Variants in CCDC171 observed in about 807,000 individuals in gnomAD.
CCDC171 encodes coiled-coil domain-containing protein 171.
CCDC171 carries 177 observed loss-of-function variants against 168.2 expected under a neutral mutation model. The ratio of observed to expected loss-of-function variants is 1.05; its 90% confidence interval spans 0.93 to 1.19. The LOEUF (loss-of-function observed/expected upper bound fraction) is 1.19, where lower values mean the gene tolerates loss of function less well. CCDC171 is among the 50% of genes most tolerant of loss of function. The pLI is 0.00. For synonymous variants in CCDC171, 687 were observed against 540.8 expected, an observed-to-expected ratio of 1.27 and a Z score of -3.75; for missense variants, 1,991 against 1,539.0, an observed-to-expected ratio of 1.29 and a Z score of -4.91.
At chr9:15,635,083 G>A (rs1401376443) in intron 7 of CCDC171, among the ~76,000 whole-genome samples, 1 of 152,048 alleles carries the variant, frequency 6.6e-6, no homozygotes, top group Non-Finnish European at 1.5e-5. Context: ...TTCTCTAAAG[G>A]GACAGAACTA....
chr9:15,778,929 G>A, intron 19 of CCDC171, 39 bp from the exon 20 acceptor site: 1 of 1,358,562 alleles, frequency 7.4e-7, no homozygotes, highest in Non-Finnish European at 9.7e-7. Flanking sequence ...TAGTAAATCT[G>A]TAGTTACTGT....
At chr9:15,680,294 A>G (rs1040678995) in intron 10 of CCDC171, among the ~76,000 whole-genome samples, 2 of 152,236 alleles carry the variant, frequency 1.3e-5, no homozygotes, top group Admixed American at 1.3e-4. Context: ...TGTAAAGTTT[A>G]TGGTAATACT....
At chr9:16,071,133 G>C in the CCDC171 span, among the ~76,000 whole-genome samples, 4 of 152,208 alleles carry the variant, frequency 2.6e-5, no homozygotes, top group African/African-American at 9.6e-5. Flanking sequence ...CCACAGGAGA[G>C]AGGGAGGCAG....
chr9:15,950,783 T>G (rs928272447), intron 25 of CCDC171, among the ~76,000 whole-genome samples: 1 of 151,648 alleles, frequency 6.6e-6, no homozygotes, highest in Non-Finnish European at 1.5e-5. Flanking sequence ...ATATTAACCT[T>G]AAATGTAAAT....
intron 2 of CCDC171, among the ~76,000 whole-genome samples, chr9:15,564,659 C>T (rs1198551754): frequency 6.6e-6 from 1 of 152,170 alleles, no homozygotes; most frequent in Non-Finnish European, 1.5e-5. Flanking sequence ...TTGGGCGTGG[C>T]GCCTACCTTT....
At chr9:15,941,295 A>T (rs754101999) in intron 25 of CCDC171, among the ~76,000 whole-genome samples, 1 of 152,036 alleles carries the variant, frequency 6.6e-6, no homozygotes, top group Non-Finnish European at 1.5e-5. Flanking sequence ...GTATTGGTTA[A>T]TGGAGCTCGC....
At position 15,695,327 on chromosome 9, in the gene CCDC171, G is replaced by C; in HGVS notation, c.1308G>C (p.Gln436His). 1 of 1,613,064 alleles carries C rather than the reference G, an allele frequency of 6.2e-7. No homozygotes were observed. Among genetic ancestry groups the C allele is most frequent in the Non-Finnish European group, 8.5e-7 (1 of 1,178,990 alleles). Residue 436 changes from glutamine to histidine, a missense_variant, in exon 11 of 26, where the codon CAG becomes CAC. Physicochemically the swap from Gln to His is conservative, Grantham distance 24 (BLOSUM62 0). Transcript: ENST00000380701. ...TGGACAGCTTTACTGTGTCGGGCCA[G>C]TGGACATCAGGTTAGTTGAAGGTAT... Reference protein sequence around the residue: ...SILDSFTVSGQWTSGIHKDKD... With the variant: ...SILDSFTVSGHWTSGIHKDKD...
chr9:15,928,827 G>T (rs1454245576), intron 25 of CCDC171, among the ~76,000 whole-genome samples: 2 of 151,534 alleles, frequency 1.3e-5, no homozygotes, highest in African/African-American at 4.8e-5. Flanking sequence ...AACTTTTAAA[G>T]GTTTCTCATA....
At chr9:15,689,692 C>T (rs2050652122) in intron 10 of CCDC171, among the ~76,000 whole-genome samples, 1 of 152,130 alleles carries the variant, frequency 6.6e-6, no homozygotes, top group African/African-American at 2.4e-5. Flanking sequence ...GCCTGGGTGA[C>T]AGAGTAAGAC....
intron 3 of CCDC171, among the ~76,000 whole-genome samples, chr9:16,016,480 A>G (rs1013614754): frequency 1.3e-5 from 2 of 152,150 alleles, no homozygotes; most frequent in African/African-American, 4.8e-5. Flanking sequence ...GCTGCTGACA[A>G]CTCACAGGGG....
At chr9:15,743,305 A>G (rs906590580) in intron 16 of CCDC171, among the ~76,000 whole-genome samples, 4 of 151,430 alleles carry the variant, frequency 2.6e-5, no homozygotes, top group Non-Finnish European at 4.4e-5. Context: ...AGCTGTAACT[A>G]TAGGTGTACA....
rs145089944 is a variant in CCDC171, at chr9:15,962,596, A to G, written c.3754-9013A>G. Among the ~76,000 whole-genome samples, 510 of 152,036 alleles carry G rather than the reference A, an allele frequency of 3.4e-3. 1 individual carries two copies. The highest frequency in any genetic ancestry group is 0.012 in the African/African-American group (492 of 41,496). On this transcript the variant is annotated intron_variant, in intron 25 of 25. Transcript: ENST00000380701. ...ATCAATGTCTTATTTTCCATTTTTG[A>G]TTACTTGTGGGGGTTACCATTTTTT...
chr9:15,978,820 A>G (rs1394220607), downstream of CCDC171, among the ~76,000 whole-genome samples: 1 of 152,174 alleles, frequency 6.6e-6, no homozygotes, highest in East Asian at 1.9e-4. Context: ...AAAGATGAAC[A>G]ATTTTCACCA....
chr9:15,862,265 T>C (rs948279676), intron 23 of CCDC171, among the ~76,000 whole-genome samples: 1 of 151,902 alleles, frequency 6.6e-6, no homozygotes, highest in Non-Finnish European at 1.5e-5. Flanking sequence ...ATTATTATTT[T>C]CTTCCTCCGA....
At chr9:15,837,190 GTAC>G (rs2060488501) in intron 21 of CCDC171, among the ~76,000 whole-genome samples, 1 of 152,102 alleles carries the variant, frequency 6.6e-6, no homozygotes, top group Non-Finnish European at 1.5e-5. Context: ...TCTACAATAT[GTAC>G]TCAGTGTCCA....
the CCDC171 span, among the ~76,000 whole-genome samples, chr9:16,083,066 C>A: frequency 6.6e-6 from 1 of 152,102 alleles, no homozygotes; most frequent in Non-Finnish European, 1.5e-5. Flanking sequence ...ACTCCCATGC[C>A]ATAAGAATTA....
At chr9:15,569,608 G>A (rs568000903) in intron 2 of CCDC171, among the ~76,000 whole-genome samples, 4 of 151,908 alleles carry the variant, frequency 2.6e-5, no homozygotes, top group Admixed American at 6.6e-5. Flanking sequence ...GAGGTCAGGA[G>A]ATCGAGACCA....
chr9:15,771,893 G>T (rs1278581680), intron 18 of CCDC171, among the ~76,000 whole-genome samples: 3 of 152,094 alleles, frequency 2.0e-5, no homozygotes, highest in African/African-American at 7.2e-5. Flanking sequence ...GATTGCTATG[G>T]CCAGTCTCAG....
At chr9:15,571,506 C>T in intron 2 of CCDC171, 118 bp from the exon 3 acceptor site, 1 of 786,648 alleles carries the variant, frequency 1.3e-6, no homozygotes, top group East Asian at 2.9e-5. Context: ...AACTCTAAGT[C>T]AAGAACCATG....
Sources: gnomAD v4.1 joint callset for allele counts (sites outside exome capture counted in the v4.1 genomes callset) on GRCh38, gnomAD v4.1.1 for gene constraint, MANE v1.5 for transcripts, NCBI Gene and HGNC (gene_info 2026-07-23, HGNC 2026-07-21) for gene names.